The following LRMDA variants were observed in gnomAD, a reference collection of about 807,000 sequenced individuals.
The protein encoded by LRMDA is leucine-rich melanocyte differentiation-associated protein.
LRMDA carries 18 observed loss-of-function variants against 29.8 expected under a neutral mutation model. The ratio of observed to expected loss-of-function variants is 0.60; its 90% CI spans 0.42 to 0.90. The LOEUF (loss-of-function observed/expected upper bound fraction) is 0.90, where lower values mean the gene tolerates loss of function less well. Ranked by LOEUF, LRMDA falls within the 40% of genes least tolerant of loss-of-function variation. LRMDA has a pLI of 0.00. For synonymous variants in LRMDA, 125 were observed against 109.4 expected, an observed-to-expected ratio of 1.14 and a Z score of -0.89; for missense variants, 273 against 273.9, an observed-to-expected ratio of 1.00 and a Z score of 0.02.
intron 6 of LRMDA, among the ~76,000 whole-genome samples, chr10:76,532,513 T>C (rs1407913545): frequency 6.6e-6 from 1 of 152,228 alleles, no homozygotes; most frequent in African/African-American, 2.4e-5. Context: ...TGGGTTCAAG[T>C]AAATTTCTTT....
chr10:76,201,829 G>C (rs143665379), intron 5 of LRMDA, among the ~76,000 whole-genome samples: 1 of 152,274 alleles, frequency 6.6e-6, no homozygotes, highest in East Asian at 1.9e-4. Context: ...CACAATTAGT[G>C]ACTTAAAACA....
At chr10:76,304,788 GT>G (rs1375987988) in intron 5 of LRMDA, among the ~76,000 whole-genome samples, 1 of 152,220 alleles carries the variant, frequency 6.6e-6, no homozygotes, top group East Asian at 1.9e-4. Flanking sequence ...GGCAAAGCAT[GT>G]TGGGAGGGAG....
chr10:76,555,446 T>G (rs1330680082), intron 6 of LRMDA, among the ~76,000 whole-genome samples: 1 of 152,106 alleles, frequency 6.6e-6, no homozygotes, highest in Non-Finnish European at 1.5e-5. Flanking sequence ...CATGGGAACA[T>G]GGCAGGAAGT....
chr10:76,376,899 T>TTTTTTTTTG, intron 6 of LRMDA, among the ~76,000 whole-genome samples: 1 of 115,994 alleles, frequency 8.6e-6, no homozygotes, highest in Non-Finnish European at 1.7e-5. Flanking sequence ...TTTTTTTTTT[T>TTTTTTTTTG]TTTTGAGACG....
intron 2 of LRMDA, among the ~76,000 whole-genome samples, chr10:75,773,706 C>T (rs1225567455): frequency 6.6e-6 from 1 of 152,172 alleles, no homozygotes. Flanking sequence ...TCTGCCTCCC[C>T]TCTTGTCAGT....
At chr10:76,099,646 G>A (rs547384252) in intron 5 of LRMDA, among the ~76,000 whole-genome samples, 116 of 151,654 alleles carry the variant, frequency 7.6e-4, no homozygotes, top group Non-Finnish European at 1.3e-3. Context: ...TTTTACCTGT[G>A]TTCTTTAGAC....
At chr10:75,829,177 T>G (rs1844296206) in intron 2 of LRMDA, among the ~76,000 whole-genome samples, 1 of 152,170 alleles carries the variant, frequency 6.6e-6, no homozygotes, top group African/African-American at 2.4e-5. Flanking sequence ...TGAGATGATG[T>G]TCCAGAAGAA....
intron 2 of LRMDA, among the ~76,000 whole-genome samples, chr10:75,910,966 C>T (rs889712012): frequency 1.3e-5 from 2 of 152,114 alleles, no homozygotes; most frequent in Non-Finnish European, 2.9e-5. Context: ...ATGGAGTAAT[C>T]TGGCATGAAC....
chr10:76,278,725 G>A (rs1840166515), intron 5 of LRMDA, among the ~76,000 whole-genome samples: 1 of 152,158 alleles, frequency 6.6e-6, no homozygotes, highest in Non-Finnish European at 1.5e-5. Context: ...GCTCTGCTAT[G>A]GAACCTCCTC....
At position 76,306,619 on chromosome 10, in the gene LRMDA, T is replaced by C. The variant is rs188990675; in HGVS notation, c.517-17782T>C. Among the ~76,000 whole-genome samples, 5 of 152,314 alleles carry C rather than the reference T, an allele frequency of 3.3e-5. No individual in the cohort carries two copies. The East Asian group carries it at 9.6e-4, about 29-fold the overall frequency. On this transcript the variant is annotated intron_variant, in intron 5 of 6. Transcript: ENST00000611255. Reference sequence around the variant, plus strand: ...AGGCAAACATCCTTGGCATCTCTTTTAGAAATAGGCCTGAAAGATAAAGAG... The same window carrying C: ...AGGCAAACATCCTTGGCATCTCTTTCAGAAATAGGCCTGAAAGATAAAGAG...
rs144188541 is a variant in LRMDA, at chr10:75,578,723, A to T, written c.131+140229A>T. ...CAGACCACAGTGCAATCAAATTAGAACTCAGGATTAAGAAACGCACTCAAA... is the reference window on the plus strand; with the variant it reads ...CAGACCACAGTGCAATCAAATTAGATCTCAGGATTAAGAAACGCACTCAAA... On this transcript the variant is annotated intron_variant, in intron 2 of 6. Transcript: ENST00000611255. Among the ~76,000 whole-genome samples the T allele has an allele frequency of 5.1e-4, 78 of 152,188 alleles. 1 individual carries two copies. In the East Asian group the frequency reaches 0.015, roughly 29 times the overall value.
intron 2 of LRMDA, among the ~76,000 whole-genome samples, chr10:75,502,083 T>G (rs1382597281): frequency 6.6e-6 from 1 of 152,202 alleles, no homozygotes; most frequent in African/African-American, 2.4e-5. Context: ...TGCTCTCCCC[T>G]CTTTCTTTGG....
intron 2 of LRMDA, among the ~76,000 whole-genome samples, chr10:75,748,100 T>A (rs1336282751): frequency 1.4e-5 from 2 of 139,884 alleles, no homozygotes; most frequent in African/African-American, 2.7e-5. Context: ...TGTTTAGCTA[T>A]TTTTTTTTTC....
At chr10:75,535,043 T>C (rs1373520820) in intron 2 of LRMDA, among the ~76,000 whole-genome samples, 1 of 152,236 alleles carries the variant, frequency 6.6e-6, no homozygotes, top group African/African-American at 2.4e-5. Flanking sequence ...CTTAGTGTTA[T>C]GCTTGTTGTA....
chr10:75,497,302 A>G (rs1845057319), intron 2 of LRMDA, among the ~76,000 whole-genome samples: 1 of 152,132 alleles, frequency 6.6e-6, no homozygotes, highest in Admixed American at 6.5e-5. Context: ...TATGCCCACT[A>G]TTGAGATTCT....
intron 6 of LRMDA, among the ~76,000 whole-genome samples, chr10:76,395,851 ATGAAT>A (rs1841777767): frequency 6.6e-6 from 1 of 152,268 alleles, no homozygotes; most frequent in African/African-American, 2.4e-5. Flanking sequence ...TGAAAACACG[ATGAAT>A]TGAATTGAAT....
At chr10:76,266,455 A>G (rs1840007618) in intron 5 of LRMDA, among the ~76,000 whole-genome samples, 1 of 152,144 alleles carries the variant, frequency 6.6e-6, no homozygotes, top group Non-Finnish European at 1.5e-5. Context: ...TACATATTTA[A>G]CTACTGTTTA....
At chr10:75,722,393 C>T (rs966711527) in intron 2 of LRMDA, among the ~76,000 whole-genome samples, 2 of 152,110 alleles carry the variant, frequency 1.3e-5, no homozygotes. Context: ...GATTGTAAAT[C>T]AATAAAACTA....
chr10:75,479,284 G>A (rs1844830689), intron 2 of LRMDA, among the ~76,000 whole-genome samples: 1 of 152,052 alleles, frequency 6.6e-6, no homozygotes, highest in South Asian at 2.1e-4. Context: ...GAGGCGGGTG[G>A]ATCACGAGGT....
Sources: allele counts gnomAD v4.1 joint callset (sites outside exome capture counted in the v4.1 genomes callset), GRCh38; gene constraint gnomAD v4.1.1; transcripts MANE v1.5; gene names NCBI Gene and HGNC (gene_info 2026-07-23, HGNC 2026-07-21).